Variants in E2F2 observed in about 807,000 individuals in gnomAD.
E2F2 encodes transcription factor E2F2.
In E2F2, 22 loss-of-function variants were observed where a neutral mutation model predicts 42.2. That is an observed-to-expected ratio of 0.52 (90% CI 0.37 to 0.74). The LOEUF (loss-of-function observed/expected upper bound fraction) is 0.74. E2F2 is among the 30% of genes least tolerant of loss of function. The pLI is 0.00. For synonymous variants in E2F2, 248 were observed against 251.6 expected (o/e 0.99, Z 0.13); for missense variants, 481 against 557.8 (o/e 0.86, Z 1.39).
At position 23,522,047 on chromosome 1, in the gene E2F2, G is replaced by A; in HGVS notation, c.368C>T (p.Ser123Phe). ...DGLPSPKTPK[S>F]PGEKTRYDTS... is the part of the protein sequence containing the mutation. Reference sequence around the variant, plus strand: ...GTCATACCGAGTCTTCTCCCCGGGGGATTTGGGGGCTGAAGAAGAAAGGGA... The same window carrying A: ...GTCATACCGAGTCTTCTCCCCGGGGAATTTGGGGGCTGAAGAAGAAAGGGA... The change falls in exon 3 of 7, where the codon TCC becomes TTC. Residue 123 changes from serine to phenylalanine, a missense_variant. Transcript: ENST00000361729. The A allele has an allele frequency of 1.2e-6, 2 of 1,613,958 alleles. No individual in the cohort carries two copies. The highest frequency in any genetic ancestry group is 1.7e-6 in the Non-Finnish European group (2 of 1,179,970).
chr1:23,505,519 CT>C (rs199998581), downstream of E2F2, among the ~76,000 whole-genome samples: 3,592 of 147,478 alleles, frequency 0.024, 137 homozygotes, highest in African/African-American at 0.083. Context: ...GGCAAGGTCT[CT>C]TTTTTTTTTT....
At chr1:23,510,201 C>G in intron 6 of E2F2, 53 bp from the exon 7 acceptor site, 1 of 1,473,336 alleles carries the variant, frequency 6.8e-7, no homozygotes, top group Non-Finnish European at 9.0e-7. Context: ...AACTCCTCAG[C>G]ACGCGAGGAC....
rs201892837 is a variant in E2F2, at chr1:23,516,577, A to C, written c.853-50T>G. On this transcript the variant is annotated intron_variant, in intron 5 of 6. Coordinates refer to ENST00000361729, the MANE Select transcript of E2F2 (RefSeq NM_004091.4). ...CATTGCTCTGGGCAGCTGGACACTT[A>C]CACTTAGTGTGTATGGACAGACGCA... 480 of 1,486,632 alleles carry C rather than the reference A, an allele frequency of 3.2e-4. 2 individuals are homozygous for C. The highest frequency in any genetic ancestry group is 2.7e-4 in the South Asian group (22 of 81,908). 92.1% of individuals were successfully genotyped at this position (1,486,632 alleles called of 1,614,324 possible).
Position 23,519,024 on chromosome 1 carries a change from T to C in E2F2, c.844A>G (p.Arg282Gly). Residue 282 changes from arginine to glycine, a missense_variant, in exon 5 of 7, where the codon AGG (arginine) becomes GGG (glycine). Transcript: ENST00000361729. Reference sequence around the variant, plus strand: ...AATATTTCCCCTCTCACCTCAGTCCTGTCGGGCACTTCCAGTCTCGTCTGC... The same window carrying C: ...AATATTTCCCCTCTCACCTCAGTCCCGTCGGGCACTTCCAGTCTCGTCTGC... ...PPQTRLEVPD[R>G]TEDNLQIYLK... 6.2e-7 allele frequency: 1 copy of C among 1,613,816 alleles called. No homozygotes were observed. Among genetic ancestry groups the C allele is most frequent in the South Asian group, 1.1e-5 (1 of 91,012 alleles).
chr1:23,517,665 A>G (rs1246420632), intron 5 of E2F2, among the ~76,000 whole-genome samples: 1 of 152,258 alleles, frequency 6.6e-6, no homozygotes, highest in East Asian at 1.9e-4. Flanking sequence ...TAGATGAAGC[A>G]GAATGCAATC....
At position 23,525,848 on chromosome 1, in the gene E2F2, C is replaced by T. The variant is rs1190202575; in HGVS notation, c.253-1360G>A. Among the ~76,000 whole-genome samples the T allele has an allele frequency of 2.6e-5, 4 of 152,274 alleles. No homozygotes were observed. In the East Asian group the frequency reaches 7.7e-4, roughly 29 times the overall value. Reference sequence around the variant, plus strand: ...TTCTTTCCTCTTTCCAACTCTGGATCCCCCAGACACCCCTACCCTGGCTTG... The same window carrying T: ...TTCTTTCCTCTTTCCAACTCTGGATTCCCCAGACACCCCTACCCTGGCTTG... On this transcript the variant is annotated intron_variant, in intron 1 of 6. Transcript: ENST00000361729.
At chr1:23,520,233 G>C (rs1240542908) in intron 4 of E2F2, among the ~76,000 whole-genome samples, 1 of 110,328 alleles carries the variant, frequency 9.1e-6, no homozygotes, top group African/African-American at 3.9e-5. Context: ...GCAAGAGTGA[G>C]ACTCTGTCTC....
At position 23,520,972 on chromosome 1, in the gene E2F2, C is replaced by G; in HGVS notation, c.678G>C (p.Gln226His). The part of the protein sequence containing the change: ...ELMNTEQALD[Q>H]LIQSCSLSFK... ...AGCTCAGAGAGCAGCTCTGGATGAG[C>G]TGGTCCAAGGCCTGCTCCGTGTTCA... Residue 226 changes from glutamine (Q) to histidine (H), a missense_variant, in exon 4 of 7, where the codon CAG (glutamine) becomes CAC (histidine). By Grantham distance (24) the Gln-to-His change is conservative. Transcript: ENST00000361729. 1 of 1,612,212 alleles carries G rather than the reference C, an allele frequency of 6.2e-7. No homozygotes were observed. Among genetic ancestry groups the G allele is most frequent in the Admixed American group, 1.7e-5 (1 of 59,876 alleles).
intron 3 of E2F2, 32 bp from the exon 4 acceptor site, chr1:23,521,103 T>C: frequency 3.2e-6 from 5 of 1,581,016 alleles, no homozygotes; most frequent in Non-Finnish European, 3.4e-6. Context: ...AGTGTCAGTC[T>C]GTGGGTGAAA....
At chr1:23,513,992 C>T (rs1438533481) in intron 6 of E2F2, among the ~76,000 whole-genome samples, 3 of 151,708 alleles carry the variant, frequency 2.0e-5, no homozygotes, top group African/African-American at 7.3e-5. Context: ...GGCATGGTGG[C>T]ATGTACCTGT....
intron 3 of E2F2, 173 bp downstream of exon 3, chr1:23,521,664 A>AC: frequency 1.0e-6 from 1 of 985,016 alleles, no homozygotes; most frequent in Non-Finnish European, 1.2e-6. Flanking sequence ...CATTGGCTCT[A>AC]CCCCCAGCAA....
At chr1:23,518,983 A>G in intron 5 of E2F2, 33 bp downstream of exon 5, 3 of 1,590,626 alleles carry the variant, frequency 1.9e-6, no homozygotes, top group Non-Finnish European at 2.6e-6. Flanking sequence ...CAGGGTCTCA[A>G]CCCTGCTCTC....
At chr1:23,514,420 G>A (rs1642974946) in intron 6 of E2F2, among the ~76,000 whole-genome samples, 1 of 152,132 alleles carries the variant, frequency 6.6e-6, no homozygotes, top group Non-Finnish European at 1.5e-5. Flanking sequence ...AGAAGAGTTG[G>A]GAGGCTGGGC....
rs573138354 is a variant in E2F2 at position 23,515,981 on chromosome 1, C to T, written c.1045+354G>A. Among the ~76,000 whole-genome samples, 5 of 152,300 alleles carry T rather than the reference C, an allele frequency of 3.3e-5. No homozygotes were observed. In the South Asian group the frequency reaches 6.2e-4, roughly 19 times the overall value. On this transcript the variant is annotated intron_variant, in intron 6 of 6. Coordinates refer to ENST00000361729, the MANE Select transcript of E2F2 (RefSeq NM_004091.4). ...TCTCCCAAACTGCTGGGATTATAGG[C>T]GTGAGCTATATAATCTCACAACAAC...
At chr1:23,527,488 TCCTC>T (rs1643270809) in intron 1 of E2F2, among the ~76,000 whole-genome samples, 1 of 152,186 alleles carries the variant, frequency 6.6e-6, no homozygotes, top group Admixed American at 6.5e-5. Context: ...TACAGCTCCT[TCCTC>T]AGGCAGCTGC....
rs1214875841 is a variant in E2F2 at position 23,530,535 on chromosome 1, G to A, written c.252+7C>T. On this transcript the variant is annotated splice_region_variant and intron_variant, in intron 1 of 6. Transcript: ENST00000361729. This position sits in a 1 kb window ranked among gnomAD's most constrained non-coding sequence, Gnocchi z 4.4. ...TAGGGGGAAGCGGTGGGGGCCCCCA[G>A]CATTACCGGCAGCCGGCCTGCCGGC... 3 of 1,610,710 alleles carry A rather than the reference G, an allele frequency of 1.9e-6. No homozygotes were observed. Among genetic ancestry groups the A allele is most frequent in the Non-Finnish European group, 2.5e-6 (3 of 1,178,650 alleles).
At chr1:23,518,445 T>G (rs1643069425) in intron 5 of E2F2, among the ~76,000 whole-genome samples, 1 of 151,740 alleles carries the variant, frequency 6.6e-6, no homozygotes, top group South Asian at 2.1e-4. Flanking sequence ...CACTCCAGCC[T>G]GGGCAACAGA....
Position 23,507,515 on chromosome 1 carries a change from C to CAAAAA in E2F2, c.*2360_*2364dup, listed in dbSNP as rs758109798. 1 of 95,198 alleles carries CAAAAA rather than the reference C, an allele frequency of 1.1e-5. No homozygotes were observed. Among genetic ancestry groups the CAAAAA allele is most frequent in the African/African-American group, 4.2e-5 (1 of 23,934 alleles). 5.9% of individuals were successfully genotyped at this position (95,198 alleles called of 1,614,324 possible). ...TGGGCAACAGAGCGAGACTCCATCT[C>CAAAAA]AAAAAAAAAAAAAAAGAAGAAAAAA... On this transcript the variant is annotated 3_prime_UTR_variant, in exon 7 of 7. Transcript: ENST00000361729.
At chr1:23,511,240 C>CTT (rs943231231) in intron 6 of E2F2, among the ~76,000 whole-genome samples, 1,701 of 145,916 alleles carry the variant, frequency 0.012, 8 homozygotes, top group Middle Eastern at 0.025. Context: ...TCGCCGCCTT[C>CTT]TTTTTTTTTT....
Sources: allele counts gnomAD v4.1 joint callset (sites outside exome capture counted in the v4.1 genomes callset), GRCh38; gene constraint gnomAD v4.1.1; non-coding constraint Gnocchi (gnomAD v3.1); transcripts MANE v1.5; gene names NCBI Gene and HGNC (gene_info 2026-07-23, HGNC 2026-07-21).